ST7: variants seen among roughly 807,000 people sequenced by gnomAD.
ST7 encodes suppressor of tumorigenicity 7 protein.
In ST7, 28 loss-of-function variants were observed where a neutral mutation model predicts 78.7. The observed-to-expected ratio is 0.36, with a 90% confidence interval of 0.26 to 0.49. The LOEUF is 0.49. Ranked by LOEUF, ST7 falls within the 20% of genes least tolerant of loss-of-function variation. The pLI is 0.99. For synonymous variants in ST7, 247 were observed against 249.6 expected (o/e 0.99, Z 0.10); for missense variants, 418 against 696.0 (o/e 0.60, Z 4.49).
intron 1 of ST7, among the ~76,000 whole-genome samples, chr7:117,090,428 A>G (rs1295225625): frequency 2.0e-5 from 3 of 152,182 alleles, no homozygotes; most frequent in Admixed American, 6.5e-5. Context: ...TCAAACATTG[A>G]GTACTGTGTG....
At position 117,144,853 on chromosome 7, in the gene ST7, T is replaced by G. The variant is rs74702043; in HGVS notation, c.963+6321T>G. On this transcript the variant is annotated intron_variant, in intron 9 of 15. Transcript: ENST00000323984. Reference sequence around the variant, plus strand: ...TTCTTATGATGATAAAAGTAAAATTTAAAAATAAAGATTGAGACCACTTTC... The same window carrying G: ...TTCTTATGATGATAAAAGTAAAATTGAAAAATAAAGATTGAGACCACTTTC... Among the ~76,000 whole-genome samples the G allele has an allele frequency of 5.7e-3, 862 of 152,182 alleles. 8 individuals carry two copies. The highest frequency in any genetic ancestry group is 0.02 in the African/African-American group (816 of 41,518).
intron 1 of ST7, among the ~76,000 whole-genome samples, chr7:117,071,451 A>G (rs111432943): frequency 1.8e-4 from 28 of 152,300 alleles, no homozygotes; most frequent in African/African-American, 6.7e-4. Flanking sequence ...TGGAACTTAC[A>G]CTTGAAGGAG....
At chr7:116,993,664 C>T (rs1310095750) in intron 1 of ST7, among the ~76,000 whole-genome samples, 1 of 152,234 alleles carries the variant, frequency 6.6e-6, no homozygotes, top group Non-Finnish European at 1.5e-5. Context: ...GGGCCAGGAG[C>T]ATAATAATCT....
intron 14 of ST7, among the ~76,000 whole-genome samples, chr7:117,221,189 A>G (rs967917201): frequency 2.6e-5 from 4 of 152,178 alleles, no homozygotes; most frequent in Non-Finnish European, 4.4e-5. Flanking sequence ...CCCAAACCCA[A>G]TGTTTGAAAT....
intron 12 of ST7, among the ~76,000 whole-genome samples, chr7:117,201,560 G>A (rs1476222928): frequency 6.9e-6 from 1 of 144,818 alleles, no homozygotes; most frequent in Non-Finnish European, 1.5e-5. Flanking sequence ...TTTGTGTGTG[G>A]TTTTTTTTTT....
chr7:117,074,366 G>T (rs1184676537), intron 1 of ST7, among the ~76,000 whole-genome samples: 1 of 152,172 alleles, frequency 6.6e-6, no homozygotes, highest in African/African-American at 2.4e-5. Flanking sequence ...ACTCCAACAT[G>T]GGCAATAGAG....
chr7:117,121,357 CT>C (rs1455238694), intron 3 of ST7, among the ~76,000 whole-genome samples: 1 of 152,166 alleles, frequency 6.6e-6, no homozygotes. Flanking sequence ...GCAATGCCAT[CT>C]TTTATATGTG....
At chr7:116,958,307 A>C (rs1270194878) in intron 1 of ST7, among the ~76,000 whole-genome samples, 1 of 151,036 alleles carries the variant, frequency 6.6e-6, no homozygotes, top group African/African-American at 2.4e-5. Context: ...TATTTAGAAG[A>C]CTTTTTTTTG....
chr7:117,051,305 C>G (rs969002615), intron 1 of ST7, among the ~76,000 whole-genome samples: 1 of 152,202 alleles, frequency 6.6e-6, no homozygotes, highest in Non-Finnish European at 1.5e-5. Flanking sequence ...GCTAATTGGT[C>G]TCTTAACACA....
intron 1 of ST7, among the ~76,000 whole-genome samples, chr7:117,069,987 C>G (rs1798843021): frequency 2.6e-5 from 4 of 152,236 alleles, no homozygotes; most frequent in Admixed American, 2.0e-4. Flanking sequence ...AGTTAATTTT[C>G]TAATCACCAA....
At chr7:117,083,170 T>C (rs1799910971) in intron 1 of ST7, among the ~76,000 whole-genome samples, 1 of 151,982 alleles carries the variant, frequency 6.6e-6, no homozygotes, top group African/African-American at 2.4e-5. Flanking sequence ...AGCGATTCTC[T>C]TGCTTCAGCT....
Position 117,207,950 on chromosome 7 carries a change from C to T in ST7, c.1255-1837C>T, listed in dbSNP as rs371003415. 4.1e-4 allele frequency among the ~76,000 whole-genome samples: 63 copies of T among 151,978 alleles called. No homozygotes were observed. The East Asian group carries it at 9.3e-3, about 22-fold the overall frequency. On this transcript the variant is annotated intron_variant, in intron 12 of 15. Transcript: ENST00000323984. ...ACAAGTTATTTATTTTTTTTCATGACTCGTAGCCTCGGGGTCCTTTAAGAC... is the reference window on the plus strand; with the variant it reads ...ACAAGTTATTTATTTTTTTTCATGATTCGTAGCCTCGGGGTCCTTTAAGAC...
intron 15 of ST7, chr7:117,223,096 T>A: frequency 5.6e-6 from 4 of 709,762 alleles, no homozygotes. Context: ...AACTCTTCCC[T>A]CTCTCACTCC....
At chr7:117,187,435 G>A (rs760164076) in intron 10 of ST7, 1 of 152,138 alleles carries the variant, frequency 6.6e-6, no homozygotes, top group Non-Finnish European at 1.5e-5. Context: ...TGGAGAAAAG[G>A]TACTGTAGTC....
At chr7:116,982,110 CTGTTTAACGTGGTCTGTCATTGACAGATA>C (rs778429160) in intron 1 of ST7, among the ~76,000 whole-genome samples, 1 of 152,242 alleles carries the variant, frequency 6.6e-6, no homozygotes, top group Non-Finnish European at 1.5e-5. Flanking sequence ...TAATCTTGCA[CTGTTTAACGTGGTCTGTCATTGACAGATA>C]TGTTGTTATG....
intron 1 of ST7, among the ~76,000 whole-genome samples, chr7:116,968,154 A>G (rs1280200527): frequency 2.0e-5 from 3 of 152,160 alleles, no homozygotes; most frequent in Non-Finnish European, 4.4e-5. Flanking sequence ...GTTCATACTG[A>G]TTCGTTGCAC....
At chr7:117,147,229 T>C (rs1238558070) in intron 9 of ST7, among the ~76,000 whole-genome samples, 1 of 152,140 alleles carries the variant, frequency 6.6e-6, no homozygotes, top group African/African-American at 2.4e-5. Flanking sequence ...ACCTTTCCTC[T>C]AGTGAAGGAA....
At chr7:117,100,681 A>G (rs1419683608) in intron 2 of ST7, among the ~76,000 whole-genome samples, 1 of 152,128 alleles carries the variant, frequency 6.6e-6, no homozygotes. Flanking sequence ...AAAAAGCAAT[A>G]TGATTATCAT....
chr7:117,186,859 A>G (rs998714683), intron 10 of ST7, among the ~76,000 whole-genome samples: 1 of 152,202 alleles, frequency 6.6e-6, no homozygotes, highest in Non-Finnish European at 1.5e-5. Context: ...CCAATTTTCC[A>G]TTAGAAACAA....
Sources: gnomAD v4.1 joint callset for allele counts (sites outside exome capture counted in the v4.1 genomes callset) on GRCh38, gnomAD v4.1.1 for gene constraint, MANE v1.5 for transcripts, NCBI Gene and HGNC (gene_info 2026-07-23, HGNC 2026-07-21) for gene names.